The following ADAMTS2 variants were observed in gnomAD, a reference collection of about 807,000 sequenced individuals.
The protein encoded by ADAMTS2 is A disintegrin and metalloproteinase with thrombospondin motifs 2.
In ADAMTS2, 50 loss-of-function variants were observed where a neutral mutation model predicts 123.0. That is an observed-to-expected ratio of 0.41 (90% CI 0.32 to 0.51). The LOEUF (loss-of-function observed/expected upper bound fraction) is 0.51. ADAMTS2 is among the 20% of genes least tolerant of loss of function. The pLI is 0.35. For missense variants in ADAMTS2, 1,494 were observed against 1,705.2 expected (o/e 0.88, Z 2.18); for synonymous variants, 678 against 695.4 (o/e 0.98, Z 0.39).
chr5:179,243,148 T>C (rs1319089207), intron 3 of ADAMTS2, among the ~76,000 whole-genome samples: 4 of 97,728 alleles, frequency 4.1e-5, no homozygotes, highest in Non-Finnish European at 6.6e-5. Context: ...GCTTATTTAC[T>C]GGAAAAAAAA....
intron 17 of ADAMTS2, among the ~76,000 whole-genome samples, chr5:179,127,086 T>C (rs753359132): frequency 1.5e-4 from 23 of 152,148 alleles, no homozygotes; most frequent in Non-Finnish European, 3.1e-4. Flanking sequence ...GAGAGAGACA[T>C]TGTCTGATGT....
intron 4 of ADAMTS2, among the ~76,000 whole-genome samples, chr5:179,192,300 A>C (rs1458467687): frequency 1.3e-5 from 2 of 152,246 alleles, no homozygotes. Context: ...GCTCACGGCA[A>C]GGGTCGTCTG....
intron 3 of ADAMTS2, among the ~76,000 whole-genome samples, chr5:179,257,398 G>C (rs1334896178): frequency 2.0e-5 from 3 of 152,208 alleles, no homozygotes; most frequent in Non-Finnish European, 2.9e-5. Context: ...GGAGCCCGGG[G>C]AACAGAACCT....
At chr5:179,214,398 T>C (rs1764926970) in intron 3 of ADAMTS2, among the ~76,000 whole-genome samples, 1 of 152,194 alleles carries the variant, frequency 6.6e-6, no homozygotes, top group African/African-American at 2.4e-5. Context: ...AAAATATACA[T>C]TCCACTCATG....
chr5:179,214,755 T>G (rs79111715), intron 3 of ADAMTS2, among the ~76,000 whole-genome samples: 4,105 of 152,352 alleles, frequency 0.027, 80 homozygotes, highest in Middle Eastern at 0.065. Flanking sequence ...GACATAATCC[T>G]GGACTGGAAG....
chr5:179,246,911 C>T (rs1765812619), intron 3 of ADAMTS2, among the ~76,000 whole-genome samples: 1 of 152,218 alleles, frequency 6.6e-6, no homozygotes, highest in Admixed American at 6.5e-5. Flanking sequence ...AAACAACAAG[C>T]CCTGGGAAGT....
rs1332730047 is a variant in ADAMTS2 at position 179,189,512 on chromosome 5, T to C, written c.892-8357A>G. On this transcript the variant is annotated intron_variant, in intron 4 of 21. Coordinates refer to ENST00000251582, the MANE Select transcript of ADAMTS2 (RefSeq NM_014244.5). The surrounding 1 kb of genome is among the most constrained non-coding windows in gnomAD (Gnocchi z 4.2). ...ACAGGCGCCCGCCAGTGCGCCTGGT[T>C]TTTTTTTTTTTTTTTTTTTTTTTTT... Among the ~76,000 whole-genome samples, 21 of 125,104 alleles carry C rather than the reference T, an allele frequency of 1.7e-4. No individual in the cohort carries two copies. Among genetic ancestry groups the C allele is most frequent in the African/African-American group, 5.9e-4 (17 of 28,674 alleles). The allele number at this position is 125,104 out of a possible 152,430, so 82.1% of individuals were successfully genotyped here.
At chr5:179,293,198 G>A (rs1227381035) in intron 2 of ADAMTS2, among the ~76,000 whole-genome samples, 1 of 152,216 alleles carries the variant, frequency 6.6e-6, no homozygotes, top group African/African-American at 2.4e-5. Context: ...AACGTTATTG[G>A]TGTTGCTTTG....
intron 2 of ADAMTS2, among the ~76,000 whole-genome samples, chr5:179,289,274 T>C (rs531637787): frequency 2.0e-5 from 3 of 152,124 alleles, no homozygotes; most frequent in Middle Eastern, 6.8e-3. Context: ...CAATAATAAA[T>C]GATAGTAATA....
At chr5:179,334,206 G>C (rs977160217) in intron 2 of ADAMTS2, among the ~76,000 whole-genome samples, 5 of 152,172 alleles carry the variant, frequency 3.3e-5, no homozygotes, top group African/African-American at 7.2e-5. Flanking sequence ...GAAGTCACCC[G>C]CGTGGCCGGG....
intron 4 of ADAMTS2, among the ~76,000 whole-genome samples, chr5:179,192,669 G>A (rs1412941282): frequency 6.6e-6 from 1 of 152,206 alleles, no homozygotes; most frequent in South Asian, 2.1e-4. Flanking sequence ...GGGAGGTCTT[G>A]CAGGCTGCAG....
rs748944006 is a variant in ADAMTS2, at chr5:179,153,631, G to C, written c.1383-8C>G. 33 of 1,600,632 alleles carry C rather than the reference G, an allele frequency of 2.1e-5. No homozygotes were observed. Among genetic ancestry groups the C allele is most frequent in the Non-Finnish European group, 2.3e-5 (27 of 1,179,182 alleles). On this transcript the variant is annotated splice_polypyrimidine_tract_variant and splice_region_variant and intron_variant, in intron 8 of 21. Coordinates refer to ENST00000251582, the MANE Select transcript of ADAMTS2 (RefSeq NM_014244.5). Reference sequence around the variant, plus strand: ...AGCAGGCAGTCATAGGAGCTGTGGGGGACACACGGTGCCGCGAGCAGCCTT... The same window carrying C: ...AGCAGGCAGTCATAGGAGCTGTGGGCGACACACGGTGCCGCGAGCAGCCTT...
chr5:179,208,170 G>C (rs1764762210), intron 3 of ADAMTS2, among the ~76,000 whole-genome samples: 1 of 151,716 alleles, frequency 6.6e-6, no homozygotes, highest in African/African-American at 2.4e-5. Flanking sequence ...CCCGATGCTG[G>C]AGTGGGTAGA....
At chr5:179,165,738 G>C (rs1486996709) in intron 5 of ADAMTS2, among the ~76,000 whole-genome samples, 1 of 152,174 alleles carries the variant, frequency 6.6e-6, no homozygotes, top group African/African-American at 2.4e-5. Flanking sequence ...TCCTGAGTGA[G>C]GCAGGGCCTC....
At chr5:179,334,035 C>T (rs1016177437) in intron 2 of ADAMTS2, among the ~76,000 whole-genome samples, 8 of 152,152 alleles carry the variant, frequency 5.3e-5, no homozygotes, top group African/African-American at 1.2e-4. Context: ...GGGCAAAGTC[C>T]GCTGTTAAGA....
At position 179,329,044 on chromosome 5, in the gene ADAMTS2, A is replaced by T. The variant is rs1314510398; in HGVS notation, c.534+14723T>A. ...GGACTGGTGCAAAAGAAAAACAGAA[A>T]AGGCCAGGCACAGTGGCTCATGCCT... On this transcript the variant is annotated intron_variant, in intron 2 of 21. Coordinates refer to ENST00000251582, the MANE Select transcript of ADAMTS2 (RefSeq NM_014244.5). 3.9e-5 allele frequency among the ~76,000 whole-genome samples: 6 copies of T among 151,990 alleles called. No homozygotes were observed. The South Asian group carries it at 1.0e-3, about 26-fold the overall frequency.
intron 2 of ADAMTS2, among the ~76,000 whole-genome samples, chr5:179,336,125 A>G (rs1208409911): frequency 6.6e-6 from 1 of 152,144 alleles, no homozygotes; most frequent in African/African-American, 2.4e-5. Flanking sequence ...GCATCTTTCC[A>G]TTTCCCAACC....
intron 2 of ADAMTS2, among the ~76,000 whole-genome samples, chr5:179,327,546 G>T (rs1213882109): frequency 1.1e-4 from 17 of 152,222 alleles, no homozygotes; most frequent in Admixed American, 1.1e-3. Context: ...GAAAGGGAAG[G>T]TCAACCGCCG....
At chr5:179,167,337 G>A (rs1425375421) in intron 5 of ADAMTS2, among the ~76,000 whole-genome samples, 2 of 152,010 alleles carry the variant, frequency 1.3e-5, no homozygotes, top group Non-Finnish European at 2.9e-5. Flanking sequence ...CCGGCGCCCA[G>A]ACTCCGCGGC....
Sources: gnomAD v4.1 joint callset for allele counts (sites outside exome capture counted in the v4.1 genomes callset) on GRCh38, gnomAD v4.1.1 for gene constraint, Gnocchi (gnomAD v3.1) non-coding constraint, MANE v1.5 for transcripts, NCBI Gene and HGNC (gene_info 2026-07-23, HGNC 2026-07-21) for gene names.